Variants in HSD11B1L observed in about 807,000 individuals in gnomAD.
The protein encoded by HSD11B1L is hydroxysteroid 11-beta dehydrogenase 1 like, also known as hydroxysteroid 11-beta-dehydrogenase 1-like protein.
HSD11B1L carries 22 observed loss-of-function variants against 27.0 expected under a neutral mutation model. That is an observed-to-expected ratio of 0.81 (90% CI 0.58 to 1.16). The LOEUF (loss-of-function observed/expected upper bound fraction) is 1.16, where lower values mean the gene tolerates loss of function less well. HSD11B1L is among the 50% of genes most tolerant of loss of function. The pLI is 0.00. For synonymous variants in HSD11B1L, 187 were observed against 189.2 expected, an observed-to-expected ratio of 0.99 and a Z score of 0.09; for missense variants, 372 against 401.8, an observed-to-expected ratio of 0.93 and a Z score of 0.63.
rs1324401571 is a variant in HSD11B1L, at chr19:5,681,106, G to C, written c.-180G>C. ...GTCCCCGAGGCCCGGCCCCTCCCCG[G>C]GAGGAGGTGGGCTTCGAGTCACGTG... On this transcript the variant is annotated 5_prime_UTR_variant, in exon 1 of 8. Coordinates refer to ENST00000339423, the MANE Select transcript of HSD11B1L (RefSeq NM_198706.3). 6.6e-6 allele frequency: 1 copy of C among 152,508 alleles called. No individual in the cohort carries two copies. Among genetic ancestry groups the C allele is most frequent in the African/African-American group, 2.4e-5 (1 of 41,464 alleles). The allele number at this position is 152,508 out of a possible 1,614,324, so 9.4% of individuals were successfully genotyped here. A position where few individuals can be genotyped will look rare whatever the true frequency, so the allele number is the denominator to read the frequency against.
In HSD11B1L at chr19:5,687,698, T is replaced by TG. The variant is rs201642527; in HGVS notation, c.668+35dup. The stretch of plus-strand genomic sequence containing the variant: ...GGCCCGGACAAGCTGGGGGCTGGGC[T>TG]GGGGGCCATGGCCCAGCCCCAGCCG... On this transcript the variant is annotated intron_variant, in intron 7 of 7. Coordinates refer to ENST00000339423, the MANE Select transcript of HSD11B1L (RefSeq NM_198706.3). This position sits in a 1 kb window ranked among gnomAD's most constrained non-coding sequence, Gnocchi z 6.6. 6.5e-7 allele frequency: 1 copy of TG among 1,538,534 alleles called. No homozygotes were observed. The highest frequency in any genetic ancestry group is 8.7e-7 in the Non-Finnish European group (1 of 1,146,844).
chr19:5,681,826 T>C (rs2054560698), intron 1 of HSD11B1L, among the ~76,000 whole-genome samples: 1 of 152,170 alleles, frequency 6.6e-6, no homozygotes, highest in Non-Finnish European at 1.5e-5. Flanking sequence ...CATCCTTCTA[T>C]CTATGCATCC....
chr19:5,688,022 G>T lies in HSD11B1L; in HGVS notation c.*77G>T. 1 of 1,551,536 alleles carries T rather than the reference G, an allele frequency of 6.4e-7. No homozygotes were observed. Among genetic ancestry groups the T allele is most frequent in the Non-Finnish European group, 8.7e-7 (1 of 1,147,018 alleles). On this transcript the variant is annotated 3_prime_UTR_variant, in exon 8 of 8. Coordinates refer to ENST00000339423, the MANE Select transcript of HSD11B1L (RefSeq NM_198706.3). ...TGTCCCTGGAGCCAGAACACTCACA[G>T]AGACACCCCTGAGAGGGTGGCCACA...
At chr19:5,681,998 G>A (rs1227810264) in intron 1 of HSD11B1L, among the ~76,000 whole-genome samples, 1 of 152,274 alleles carries the variant, frequency 6.6e-6, no homozygotes, top group Non-Finnish European at 1.5e-5. Flanking sequence ...CCTGGAAGGG[G>A]AAAAGGTGGA....
intron 1 of HSD11B1L, among the ~76,000 whole-genome samples, chr19:5,682,494 G>A (rs947928482): frequency 2.0e-5 from 3 of 152,264 alleles, no homozygotes; most frequent in East Asian, 1.9e-4. Context: ...CCATGAGCTC[G>A]TGGGGGTGAA....
At chr19:5,683,849 G>A (rs1233702044) in intron 1 of HSD11B1L, among the ~76,000 whole-genome samples, 1 of 151,790 alleles carries the variant, frequency 6.6e-6, no homozygotes, top group Non-Finnish European at 1.5e-5. Flanking sequence ...AGCTATGGTC[G>A]CACCACTGCA....
intron 1 of HSD11B1L, 143 bp from the exon 2 acceptor site, chr19:5,684,676 C>T (rs993978413): frequency 6.6e-6 from 9 of 1,360,310 alleles, no homozygotes; most frequent in Admixed American, 2.4e-5. Context: ...ATGGAGCCAC[C>T]GTGGTGGCCT....
chr19:5,687,203 G>A lies in HSD11B1L; in HGVS notation c.409-79G>A. The A allele has an allele frequency of 6.8e-7, 1 of 1,480,116 alleles. No individual in the cohort carries two copies. Among genetic ancestry groups the A allele is most frequent in the Non-Finnish European group, 9.2e-7 (1 of 1,088,872 alleles). The allele number at this position is 1,480,116 out of a possible 1,614,324, so 91.7% of individuals were successfully genotyped here. On this transcript the variant is annotated intron_variant, in intron 5 of 7. Coordinates refer to ENST00000339423, the MANE Select transcript of HSD11B1L (RefSeq NM_198706.3). The surrounding 1 kb of genome is among the most constrained non-coding windows in gnomAD (Gnocchi z 6.6). Reference sequence around the variant, plus strand: ...CTGGCCCCGTCTCTGACCCGGCCCTGGCCCCGCCCTCTGGGTTTCTGGCCC... The same window carrying A: ...CTGGCCCCGTCTCTGACCCGGCCCTAGCCCCGCCCTCTGGGTTTCTGGCCC...
chr19:5,684,135 C>CCT, intron 1 of HSD11B1L: 1 of 408,546 alleles, frequency 2.4e-6, no homozygotes, highest in Non-Finnish European at 4.3e-6. Flanking sequence ...CGTGCCTCAG[C>CCT]CCCCTGAGTA....
chr19:5,683,836 G>C (rs1445164023), intron 1 of HSD11B1L, among the ~76,000 whole-genome samples: 1 of 152,088 alleles, frequency 6.6e-6, no homozygotes, highest in Non-Finnish European at 1.5e-5. Flanking sequence ...CCAGGCTGCA[G>C]TGAGCTATGG....
rs1041252737 is a variant in HSD11B1L at position 5,688,348 on chromosome 19, C to T, written c.*403C>T. ...ATTCATTCCATCTGGGAGGAACCCC[C>T]CCAACTCCTGCCAGCTTCCCCTAGC... On this transcript the variant is annotated 3_prime_UTR_variant, in exon 8 of 8. Coordinates refer to ENST00000339423, the MANE Select transcript of HSD11B1L (RefSeq NM_198706.3). The T allele has an allele frequency of 5.7e-6, 4 of 702,348 alleles. No homozygotes were observed. The highest frequency in any genetic ancestry group is 3.6e-5 in the African/African-American group (2 of 55,714). 43.5% of individuals were successfully genotyped at this position (702,348 alleles called of 1,614,324 possible).
Position 5,687,738 on chromosome 19 carries a change from C to G in HSD11B1L, c.669-15C>G. The G allele has an allele frequency of 6.7e-7, 1 of 1,489,036 alleles. No homozygotes were observed. The highest frequency in any genetic ancestry group is 1.3e-5 in the South Asian group (1 of 74,968). The allele number at this position is 1,489,036 out of a possible 1,614,324, so 92.2% of individuals were successfully genotyped here. On this transcript the variant is annotated splice_polypyrimidine_tract_variant and intron_variant, in intron 7 of 7. Coordinates refer to ENST00000339423, the MANE Select transcript of HSD11B1L (RefSeq NM_198706.3). This position sits in a 1 kb window ranked among gnomAD's most constrained non-coding sequence, Gnocchi z 6.6. ...AGCCCCAGCCGCAGTCCCCACCGTG[C>G]CCTCCTGTCCCCAGGGGAGTCACGA...
Position 5,687,666 on chromosome 19 carries a change from C to A in HSD11B1L, c.666C>A (p.Val222=). The A allele has an allele frequency of 6.3e-7, 1 of 1,579,606 alleles. No individual in the cohort carries two copies. The highest frequency in any genetic ancestry group is 8.6e-7 in the Non-Finnish European group (1 of 1,168,354). The part of the protein sequence containing the change: ...LRDRASAAEA[V]RGVTRVKAAP... ...ATCGCGCCTCCGCCGCCGAGGCAGT[C>A]AGGTGAGGCCCGGACAAGCTGGGGG... The change falls in exon 7 of 8, where the codon GTC becomes GTA. Residue 222 remains valine (V), a splice_region_variant and synonymous_variant. Coordinates refer to ENST00000339423, the MANE Select transcript of HSD11B1L (RefSeq NM_198706.3). The surrounding 1 kb of genome is among the most constrained non-coding windows in gnomAD (Gnocchi z 6.6).
In HSD11B1L at chr19:5,685,099, ACTGAGGCTCT is replaced by A. The variant is rs2145550423; in HGVS notation, c.186_195del (p.Glu63CysfsTer5). The A allele has an allele frequency of 6.5e-7, 1 of 1,549,334 alleles. No individual in the cohort carries two copies. The highest frequency in any genetic ancestry group is 8.7e-7 in the Non-Finnish European group (1 of 1,147,176). ...CTCCCACCTGGTGCTCACTGCCCAC[ACTGAGGCTCT>A]CCTGCAGAAGGTGAGCCACCCCATG... On this transcript the variant is annotated frameshift_variant, in exon 3 of 8. Transcript: ENST00000339423. LOFTEE classifies it high-confidence loss of function. The surrounding 1 kb of genome is among the most constrained non-coding windows in gnomAD (Gnocchi z 4.3).
Position 5,687,774 on chromosome 19 carries a change from G to A in HSD11B1L, c.690G>A (p.Ala230=), listed in dbSNP as rs1372094786. 6.7e-7 allele frequency: 1 copy of A among 1,481,898 alleles called. No homozygotes were observed. The highest frequency in any genetic ancestry group is 8.9e-7 in the Non-Finnish European group (1 of 1,123,218). The allele number at this position is 1,481,898 out of a possible 1,614,324, so 91.8% of individuals were successfully genotyped here. The part of the protein sequence containing the change: ...EAVRGVTRVK[A]APGPKAALAV... ...CCAGGGGAGTCACGAGGGTCAAGGCGGCCCCGGGGCCCAAGGCAGCCCTGG... is the reference window on the plus strand; with the variant it reads ...CCAGGGGAGTCACGAGGGTCAAGGCAGCCCCGGGGCCCAAGGCAGCCCTGG... The change falls in exon 8 of 8, where the codon GCG becomes GCA. Residue 230 remains alanine (A), a synonymous_variant. Transcript: ENST00000339423. This position sits in a 1 kb window ranked among gnomAD's most constrained non-coding sequence, Gnocchi z 6.6.
At position 5,687,118 on chromosome 19, in the gene HSD11B1L, C is replaced by A; in HGVS notation, c.408+127C>A. ...CACCCGTCCCGCCCCAGCCACGCCC[C>A]TCCTAGCCCAAGCCCCTGCTCCGGC... On this transcript the variant is annotated intron_variant, in intron 5 of 7. Coordinates refer to ENST00000339423, the MANE Select transcript of HSD11B1L (RefSeq NM_198706.3). This position sits in a 1 kb window ranked among gnomAD's most constrained non-coding sequence, Gnocchi z 6.6. 1.8e-6 allele frequency: 2 copies of A among 1,131,308 alleles called. No homozygotes were observed. The highest frequency in any genetic ancestry group is 2.5e-6 in the Non-Finnish European group (2 of 794,966). 70.1% of individuals were successfully genotyped at this position (1,131,308 alleles called of 1,614,324 possible).
chr19:5,684,066 C>CAGGCGCTTGAACT, intron 1 of HSD11B1L: 1 of 482,258 alleles, frequency 2.1e-6, no homozygotes, highest in East Asian at 3.5e-5. Flanking sequence ...ACTTCTGCCT[C>CAGGCGCTTGAACT]CCAGGTTCAA....
Position 5,687,977 on chromosome 19 carries a change from G to C in HSD11B1L, c.*32G>C, listed in dbSNP as rs368644338. The C allele has an allele frequency of 1.5e-4, 228 of 1,553,356 alleles. 1 individual carries two copies. Among genetic ancestry groups the C allele is most frequent in the Middle Eastern group, 1.3e-3 (8 of 5,998 alleles). On this transcript the variant is annotated 3_prime_UTR_variant, in exon 8 of 8. Coordinates refer to ENST00000339423, the MANE Select transcript of HSD11B1L (RefSeq NM_198706.3). This position sits in a 1 kb window ranked among gnomAD's most constrained non-coding sequence, Gnocchi z 6.6. ...GGGGGTGCCCCTCCAGTCCCAGACG[G>C]CAATGTTCCTCCCTCCAACTGTCCC...
rs2054727692 is a variant in HSD11B1L, at chr19:5,687,379, C to T, written c.502+4C>T. The T allele has an allele frequency of 2.5e-6, 4 of 1,611,044 alleles. No homozygotes were observed. The highest frequency in any genetic ancestry group is 2.5e-6 in the Non-Finnish European group (3 of 1,179,484). On this transcript the variant is annotated splice_donor_region_variant and intron_variant, in intron 6 of 7. Coordinates refer to ENST00000339423, the MANE Select transcript of HSD11B1L (RefSeq NM_198706.3). This position sits in a 1 kb window ranked among gnomAD's most constrained non-coding sequence, Gnocchi z 6.6. ...GTGGTGGTGTCCTCGCTGCTCGGTG[C>T]GTGCACCCGGCCCCGGCTCTGCGGG...
Sources: allele counts gnomAD v4.1 joint callset (sites outside exome capture counted in the v4.1 genomes callset), GRCh38; gene constraint gnomAD v4.1.1; non-coding constraint Gnocchi (gnomAD v3.1); transcripts MANE v1.5; gene names NCBI Gene and HGNC (gene_info 2026-07-23, HGNC 2026-07-21).